The following ACTMAP variants were observed in gnomAD, a reference collection of about 807,000 sequenced individuals.
ACTMAP encodes actin maturation protease.
the ACTMAP span, chr19:40,750,242 C>T: frequency 1.3e-5 from 2 of 154,098 alleles, no homozygotes; most frequent in Non-Finnish European, 2.9e-5. Context: ...AGGTTCAGTA[C>T]CCCCTCACAT....
chr19:40,744,953 C>G, the ACTMAP span: 2 of 832,988 alleles, frequency 2.4e-6, no homozygotes, highest in Non-Finnish European at 3.8e-6. Context: ...CTCGCATGTC[C>G]CAACTATGTT....
the ACTMAP span, chr19:40,742,634 G>T: frequency 8.1e-6 from 13 of 1,613,326 alleles, no homozygotes; most frequent in Non-Finnish European, 1.1e-5. Flanking sequence ...ACAGCAGGTA[G>T]ACAGCTCCCG....
the ACTMAP span, among the ~76,000 whole-genome samples, chr19:40,745,750 G>A: frequency 3.3e-5 from 5 of 152,122 alleles, no homozygotes; most frequent in Non-Finnish European, 1.5e-5. Flanking sequence ...TCAGCTCACT[G>A]CAACCCCTAC....
At chr19:40,745,075 C>G in the ACTMAP span, 2 of 1,538,338 alleles carry the variant, frequency 1.3e-6, no homozygotes, top group Non-Finnish European at 8.8e-7. Flanking sequence ...AGAAGCCCAG[C>G]AAGGGCAGAG....
At chr19:40,741,430 G>T in the ACTMAP span, 1 of 204,810 alleles carries the variant, frequency 4.9e-6, no homozygotes, top group Non-Finnish European at 9.7e-6. Context: ...ACGACAGAAC[G>T]AGACTCCATC....
chr19:40,742,901 G>C, the ACTMAP span: 8 of 867,484 alleles, frequency 9.2e-6, no homozygotes, highest in African/African-American at 8.5e-5. Context: ...GGTGACGTTA[G>C]TGGTGGCCAG....
the ACTMAP span, chr19:40,744,107 C>A: frequency 8.7e-6 from 14 of 1,613,782 alleles, no homozygotes; most frequent in Non-Finnish European, 1.2e-5. Context: ...TGCTGCAGGA[C>A]GAGGTCTCTG....
chr19:40,747,452 C>T, the ACTMAP span, among the ~76,000 whole-genome samples: 7 of 151,982 alleles, frequency 4.6e-5, no homozygotes, highest in Admixed American at 2.6e-4. Flanking sequence ...GCAGAAGAAT[C>T]GCTTGAACCC....
chr19:40,743,687 C>A, the ACTMAP span, among the ~76,000 whole-genome samples: 1 of 152,196 alleles, frequency 6.6e-6, no homozygotes, highest in East Asian at 1.9e-4. Flanking sequence ...TGTGCCAGGC[C>A]TGGAGCCCAG....
chr19:40,744,915 GA>G, the ACTMAP span: 1 of 793,126 alleles, frequency 1.3e-6, no homozygotes, highest in South Asian at 1.8e-5. Flanking sequence ...TGGAGTTAGA[GA>G]GATGGACCAG....
At chr19:40,744,308 C>CA in the ACTMAP span, 1 of 1,414,616 alleles carries the variant, frequency 7.1e-7, no homozygotes. Flanking sequence ...CCCCTTGGTA[C>CA]AAATGCAGAA....
chr19:40,742,066 G>A, the ACTMAP span: 1 of 497,408 alleles, frequency 2.0e-6, no homozygotes. Context: ...GCAAGCATGA[G>A]GAAGACCTTG....
the ACTMAP span, chr19:40,742,509 A>G: frequency 6.5e-7 from 1 of 1,533,522 alleles, no homozygotes. Context: ...CACGGGCACC[A>G]CGTACACCCG....
the ACTMAP span, among the ~76,000 whole-genome samples, chr19:40,743,069 C>T: frequency 6.6e-6 from 1 of 152,062 alleles, no homozygotes; most frequent in African/African-American, 2.4e-5. Context: ...GGAAGAGGCT[C>T]CAAGAGGAGC....
the ACTMAP span, among the ~76,000 whole-genome samples, chr19:40,748,059 T>C: frequency 2.0e-5 from 3 of 152,280 alleles, no homozygotes; most frequent in African/African-American, 7.2e-5. Flanking sequence ...TTCAGTAAAT[T>C]AATATTTAAA....
the ACTMAP span, chr19:40,741,667 T>C: frequency 8.0e-4 from 361 of 453,044 alleles, 3 homozygotes; most frequent in African/African-American, 6.7e-3. Flanking sequence ...CTGGCTGAGA[T>C]ACTGACTACC....
At chr19:40,742,541 C>G in the ACTMAP span, 1 of 1,585,120 alleles carries the variant, frequency 6.3e-7, no homozygotes, top group South Asian at 1.2e-5. Flanking sequence ...CCCGTGAGGG[C>G]GAGAAGTCCG....
chr19:40,744,885 C>T, the ACTMAP span: 25 of 882,276 alleles, frequency 2.8e-5, no homozygotes, highest in Non-Finnish European at 4.2e-5. Context: ...ACCTGAGCTT[C>T]CTGGGAGGAG....
At chr19:40,743,446 T>G in the ACTMAP span, among the ~76,000 whole-genome samples, 6 of 152,148 alleles carry the variant, frequency 3.9e-5, no homozygotes, top group Non-Finnish European at 7.3e-5. Flanking sequence ...TTGGCCAGGC[T>G]GGTCTCAAAC....
Sources: gnomAD v4.1 joint callset for allele counts (sites outside exome capture counted in the v4.1 genomes callset) on GRCh38, gnomAD v4.1.1 for gene constraint, MANE v1.5 for transcripts, NCBI Gene and HGNC (gene_info 2026-07-23, HGNC 2026-07-21) for gene names.